The following KCNC4 variants were observed in gnomAD, a reference collection of about 807,000 sequenced individuals.
The protein encoded by KCNC4 is voltage-gated potassium channel KCNC4.
A neutral mutation model predicts 42.8 loss-of-function variants in KCNC4; 23 were observed. The ratio of observed to expected loss-of-function variants is 0.54; its 90% CI spans 0.39 to 0.76. The LOEUF is 0.76. KCNC4 is among the 30% of genes least tolerant of loss of function. KCNC4 has a pLI of 0.00. For missense variants in KCNC4, 751 were observed against 898.2 expected (o/e 0.84, Z 2.10); for synonymous variants, 422 against 393.5 (o/e 1.07, Z -0.86).
In KCNC4 at chr1:110,217,338, T is replaced by C. The variant is rs958275758; in HGVS notation, c.678+5161T>C. On this transcript the variant is annotated intron_variant, in intron 1 of 3. Coordinates refer to ENST00000438661, the MANE Select transcript of KCNC4 (RefSeq NM_001039574.3). ...ACTAGAAGTTGAATTGGGTGGGCCT[T>C]GTAGGATACTGACTTAGTGCCTTAA... Among the ~76,000 whole-genome samples the C allele has an allele frequency of 3.9e-5, 6 of 152,176 alleles. No individual in the cohort carries two copies. The East Asian group carries it at 9.6e-4, about 24-fold the overall frequency.
chr1:110,226,610 A>G (rs1378293403), intron 3 of KCNC4, among the ~76,000 whole-genome samples: 1 of 152,182 alleles, frequency 6.6e-6, no homozygotes, highest in African/African-American at 2.4e-5. Context: ...ACAACGTTCA[A>G]GAGTCAGGGA....
chr1:110,211,800 G>A lies in KCNC4; in HGVS notation c.301G>A (p.Gly101Ser). 1 of 1,611,448 alleles carries A rather than the reference G, an allele frequency of 6.2e-7. No individual in the cohort carries two copies. Among genetic ancestry groups the A allele is most frequent in the Non-Finnish European group, 8.5e-7 (1 of 1,179,780 alleles). Residue 101 changes from glycine to serine, a missense_variant, in exon 1 of 4, where the codon GGC becomes AGC. Around this residue, in one of 4 missense-constraint regions of KCNC4, gnomAD observed 183 missense variants for 255.8 expected, o/e 0.72. Transcript: ENST00000438661. The surrounding 1 kb of genome is among the most constrained non-coding windows in gnomAD (Gnocchi z 6.5). ...GCEFFFDRHP[G>S]VFAYVLNYYR... ...CGAGTTCTTCTTCGACAGGCACCCG[G>A]GCGTCTTCGCCTACGTGCTCAACTA...
At chr1:110,225,377 TG>T (rs2101021566) in intron 2 of KCNC4, 1 of 152,422 alleles carries the variant, frequency 6.6e-6, no homozygotes, top group African/African-American at 2.4e-5. Flanking sequence ...CCACAGCACT[TG>T]AGAGCTGCGT....
Position 110,211,087 on chromosome 1 carries a change from C to G in KCNC4, c.-413C>G, listed in dbSNP as rs937225402. On this transcript the variant is annotated 5_prime_UTR_variant, in exon 1 of 4. Coordinates refer to ENST00000438661, the MANE Select transcript of KCNC4 (RefSeq NM_001039574.3). The surrounding 1 kb of genome is among the most constrained non-coding windows in gnomAD (Gnocchi z 6.5). The stretch of plus-strand genomic sequence containing the variant: ...GCGGTCTTGGAGCCGGAGGGTGGCC[C>G]GTGTGAGCGCGAGCGCCCCGGACCT... Among the ~76,000 whole-genome samples the G allele has an allele frequency of 4.6e-5, 7 of 152,262 alleles. No individual in the cohort carries two copies. Among genetic ancestry groups the G allele is most frequent in the Non-Finnish European group, 1.0e-4 (7 of 68,048 alleles).
rs1657396317 is a variant in KCNC4, at chr1:110,210,827, C to A, written c.-673C>A. On this transcript the variant is annotated 5_prime_UTR_variant, in exon 1 of 4. Transcript: ENST00000438661. ...CCTCGCCCTGCGCAGCCCCCGCCCG[C>A]CCGGCCGCCGCTCTCTGCTCTGCCC... is the stretch of plus-strand genomic sequence containing the variant. Among the ~76,000 whole-genome samples the A allele has an allele frequency of 1.3e-5, 2 of 152,114 alleles. No individual in the cohort carries two copies. Among genetic ancestry groups the A allele is most frequent in the African/African-American group, 2.4e-5 (1 of 41,444 alleles).
At position 110,211,496 on chromosome 1, in the gene KCNC4, T is replaced by G. The variant is rs759526594; in HGVS notation, c.-4T>G. On this transcript the variant is annotated 5_prime_UTR_variant, in exon 1 of 4. Coordinates refer to ENST00000438661, the MANE Select transcript of KCNC4 (RefSeq NM_001039574.3). The surrounding 1 kb of genome is among the most constrained non-coding windows in gnomAD (Gnocchi z 6.5). Reference sequence around the variant, plus strand: ...CCCCAAGCCGGAGCCCCGCAGCGCTTCTTATGATCAGCTCGGTGTGTGTCT... The same window carrying G: ...CCCCAAGCCGGAGCCCCGCAGCGCTGCTTATGATCAGCTCGGTGTGTGTCT... 24 of 1,608,986 alleles carry G rather than the reference T, an allele frequency of 1.5e-5. No homozygotes were observed. In the South Asian group the frequency reaches 2.3e-4, roughly 15 times the overall value.
At chr1:110,259,574 A>C (rs1659391093) in intron 1 of KCNC4, among the ~76,000 whole-genome samples, 1 of 152,176 alleles carries the variant, frequency 6.6e-6, no homozygotes, top group Non-Finnish European at 1.5e-5. Flanking sequence ...GTGCCTGCAA[A>C]GAAAGGCCCA....
At chr1:110,253,657 G>A (rs114897122), downstream of KCNC4, among the ~76,000 whole-genome samples, 38 of 152,292 alleles carry the variant, frequency 2.5e-4, no homozygotes, top group African/African-American at 8.9e-4. Flanking sequence ...CTCTGCTCAG[G>A]CCACAGATAA....
chr1:110,232,945 C>T lies in KCNC4; in HGVS notation c.1854C>T (p.Ala618=), dbSNP rs1557864978. Residue 618 remains alanine, a synonymous_variant, in exon 4 of 4, where the codon GCC becomes GCT. Coordinates refer to ENST00000438661, the MANE Select transcript of KCNC4 (RefSeq NM_001039574.3). Reference sequence around the variant, plus strand: ...AAGACGCCCTCTCGTCCAACTATGCCCAGGCTGAAGTCCTCACCCTCTCTT... The same window carrying T: ...AAGACGCCCTCTCGTCCAACTATGCTCAGGCTGAAGTCCTCACCCTCTCTT... The part of the protein sequence containing the change: ...TCQDALSSNY[A]QAEVLTLS The T allele has an allele frequency of 1.9e-6, 3 of 1,611,774 alleles. No homozygotes were observed. The highest frequency in any genetic ancestry group is 2.5e-6 in the Non-Finnish European group (3 of 1,179,122).
chr1:110,242,594 T>A (rs1489575158), exon 4 of KCNC4: 1 of 152,228 alleles, frequency 6.6e-6, no homozygotes, highest in Non-Finnish European at 1.5e-5. Context: ...GAAGCACCAC[T>A]GGAGGCAAGG....
At chr1:110,253,079 A>G (rs1195761223), downstream of KCNC4, among the ~76,000 whole-genome samples, 2 of 152,078 alleles carry the variant, frequency 1.3e-5, no homozygotes, top group East Asian at 3.9e-4. Context: ...CCCCAGCCCC[A>G]TCTTCTCAGC....
intron 1 of KCNC4, among the ~76,000 whole-genome samples, chr1:110,270,893 C>T (rs369564014): frequency 6.6e-6 from 1 of 152,184 alleles, no homozygotes; most frequent in African/African-American, 2.4e-5. Flanking sequence ...GTACACATTC[C>T]AGGACATTGG....
chr1:110,236,725 A>G (rs1658916181), downstream of KCNC4: 2 of 152,150 alleles, frequency 1.3e-5, no homozygotes, highest in Admixed American at 1.3e-4. Context: ...AAGTGGGGGT[A>G]GGACTGCTCT....
rs1657452211 is a variant in KCNC4 at position 110,211,567 on chromosome 1, C to T, written c.68C>T (p.Thr23Ile). ...RKSGNKPPSK[T>I]CLKEEMAKGE... ...TCGGGGAACAAGCCTCCGTCCAAAA[C>T]ATGTCTGAAGGAGGAGATGGCCAAG... is the stretch of plus-strand genomic sequence containing the variant. Residue 23 changes from threonine (T) to isoleucine (I), a missense_variant, in exon 1 of 4, where the codon ACA becomes ATA. Physicochemically the swap from Thr to Ile is moderately conservative, Grantham distance 89. This residue lies in a region of KCNC4 where 183 missense variants were observed against 255.8 expected (regional missense o/e 0.72). Coordinates refer to ENST00000438661, the MANE Select transcript of KCNC4 (RefSeq NM_001039574.3). The surrounding 1 kb of genome is among the most constrained non-coding windows in gnomAD (Gnocchi z 6.5). 1.2e-6 allele frequency: 2 copies of T among 1,614,128 alleles called. No individual in the cohort carries two copies. Among genetic ancestry groups the T allele is most frequent in the African/African-American group, 1.3e-5 (1 of 75,072 alleles).
chr1:110,257,952 C>T (rs1170656266), intron 1 of KCNC4, among the ~76,000 whole-genome samples: 1 of 152,186 alleles, frequency 6.6e-6, no homozygotes, highest in African/African-American at 2.4e-5. Context: ...GACATGCATG[C>T]CTGACCTGTC....
chr1:110,252,697 C>T (rs904818284), downstream of KCNC4, among the ~76,000 whole-genome samples: 1 of 152,172 alleles, frequency 6.6e-6, no homozygotes, highest in African/African-American at 2.4e-5. Flanking sequence ...TTACATATCT[C>T]ATTCAATTCT....
rs375495259 is a variant in KCNC4, at chr1:110,216,094, G to A, written c.678+3917G>A. Among the ~76,000 whole-genome samples the A allele has an allele frequency of 2.0e-5, 3 of 152,254 alleles. No individual in the cohort carries two copies. In the East Asian group the frequency reaches 5.8e-4, roughly 29 times the overall value. ...GAGAAAAGACTAAGGGAAGCTCCCT[G>A]GCCCAGGCAGAGCATGAAACCAAGG... On this transcript the variant is annotated intron_variant, in intron 1 of 3. Coordinates refer to ENST00000438661, the MANE Select transcript of KCNC4 (RefSeq NM_001039574.3).
chr1:110,271,035 G>C (rs906901716), intron 1 of KCNC4, among the ~76,000 whole-genome samples: 1 of 152,194 alleles, frequency 6.6e-6, no homozygotes, highest in Non-Finnish European at 1.5e-5. Flanking sequence ...GACAGTTCTG[G>C]AGAGGGTAGA....
chr1:110,230,439 G>T (rs1658634515), intron 3 of KCNC4, among the ~76,000 whole-genome samples: 1 of 152,216 alleles, frequency 6.6e-6, no homozygotes, highest in Non-Finnish European at 1.5e-5. Flanking sequence ...AGCCGGGTGT[G>T]CAGGTTCACA....
Sources: gnomAD v4.1 joint callset for allele counts (sites outside exome capture counted in the v4.1 genomes callset) on GRCh38, gnomAD v4.1.1 for gene constraint, gnomAD v4.1.1 regional missense constraint, Gnocchi (gnomAD v3.1) non-coding constraint, MANE v1.5 for transcripts, NCBI Gene and HGNC (gene_info 2026-07-23, HGNC 2026-07-21) for gene names.